FSTL5: variants seen among roughly 807,000 people sequenced by gnomAD.
FSTL5 encodes follistatin-related protein 5.
FSTL5 carries 62 observed loss-of-function variants against 89.1 expected under a neutral mutation model. The observed-to-expected ratio is 0.70, with a 90% CI of 0.57 to 0.86. The LOEUF is 0.86. Among genes scored for constraint, FSTL5 ranks in the 40% least tolerant of loss-of-function variants. FSTL5 has a pLI of 0.00. For synonymous variants in FSTL5, 383 were observed against 346.2 expected (o/e 1.11, Z -1.18); for missense variants, 1,057 against 1,001.6 (o/e 1.06, Z -0.75).
chr4:161,872,140 GGT>G (rs1560892243), intron 4 of FSTL5, among the ~76,000 whole-genome samples: 2 of 67,494 alleles, frequency 3.0e-5, no homozygotes, highest in Admixed American at 1.7e-4. Context: ...TTTTTTTTTT[GGT>G]TTTTTTTTTT....
At chr4:161,484,018 A>G (rs1729599876) in intron 12 of FSTL5, among the ~76,000 whole-genome samples, 1 of 152,130 alleles carries the variant, frequency 6.6e-6, no homozygotes, top group South Asian at 2.1e-4. Flanking sequence ...ATACTTTCCC[A>G]AAATGTTAAG....
At chr4:162,063,439 T>A (rs530443509) in intron 2 of FSTL5, among the ~76,000 whole-genome samples, 2 of 151,990 alleles carry the variant, frequency 1.3e-5, no homozygotes, top group East Asian at 3.9e-4. Flanking sequence ...ATTGATAGCT[T>A]GTATTGATCA....
At chr4:161,461,973 T>C (rs1264376977) in intron 13 of FSTL5, among the ~76,000 whole-genome samples, 1 of 152,154 alleles carries the variant, frequency 6.6e-6, no homozygotes, top group East Asian at 1.9e-4. Flanking sequence ...TGTAAGACTA[T>C]ATCAAAGGTC....
chr4:161,919,324 G>T (rs886383382), intron 4 of FSTL5, among the ~76,000 whole-genome samples: 1 of 152,150 alleles, frequency 6.6e-6, no homozygotes, highest in East Asian at 1.9e-4. Flanking sequence ...TACTTCAAAT[G>T]TGTTAAAGGA....
rs573929419 is a variant in FSTL5, at chr4:161,995,406, C to T, written c.160+38219G>A. Among the ~76,000 whole-genome samples, 4 of 152,232 alleles carry T rather than the reference C, an allele frequency of 2.6e-5. No individual in the cohort carries two copies. In the East Asian group the frequency reaches 7.7e-4, roughly 29 times the overall value. ...GAATCAGAATTCCAAACCAGACAGT[C>T]TGACGTAAGAGCTTGTGCTTGGCTT... On this transcript the variant is annotated intron_variant, in intron 3 of 15. Coordinates refer to ENST00000306100, the MANE Select transcript of FSTL5 (RefSeq NM_020116.5).
chr4:161,814,778 ATATACTC>A (rs1418196339), intron 4 of FSTL5, among the ~76,000 whole-genome samples: 4 of 152,090 alleles, frequency 2.6e-5, no homozygotes, highest in Non-Finnish European at 5.9e-5. Flanking sequence ...TGAGCCAAAT[ATATACTC>A]TATACTTTAT....
intron 3 of FSTL5, among the ~76,000 whole-genome samples, chr4:161,959,839 G>A (rs1448990539): frequency 2.6e-5 from 4 of 152,072 alleles, no homozygotes; most frequent in Non-Finnish European, 4.4e-5. Flanking sequence ...AATTTACTAA[G>A]TGGTGTCTTG....
intron 4 of FSTL5, among the ~76,000 whole-genome samples, chr4:161,853,835 G>A (rs912061710): frequency 3.3e-5 from 5 of 152,084 alleles, no homozygotes; most frequent in Admixed American, 2.6e-4. Flanking sequence ...AGACTGGGGG[G>A]ACATTAGCAT....
intron 8 of FSTL5, among the ~76,000 whole-genome samples, chr4:161,560,443 T>C (rs960083231): frequency 6.6e-6 from 1 of 151,956 alleles, no homozygotes; most frequent in Non-Finnish European, 1.5e-5. Context: ...TTCCTTAGCT[T>C]ACTGTAACTT....
At chr4:161,459,746 A>G (rs1041942081) in intron 13 of FSTL5, among the ~76,000 whole-genome samples, 3 of 151,934 alleles carry the variant, frequency 2.0e-5, no homozygotes, top group Admixed American at 6.6e-5. Flanking sequence ...TATTAGATTT[A>G]TTTTATCCCA....
At chr4:161,519,207 G>C (rs1730940587) in intron 10 of FSTL5, among the ~76,000 whole-genome samples, 1 of 152,166 alleles carries the variant, frequency 6.6e-6, no homozygotes, top group African/African-American at 2.4e-5. Context: ...TATTGCAAGA[G>C]ATGACGGTAA....
At chr4:162,128,157 G>C (rs1175303188) in intron 1 of FSTL5, among the ~76,000 whole-genome samples, 1 of 152,122 alleles carries the variant, frequency 6.6e-6, no homozygotes, top group African/African-American at 2.4e-5. Flanking sequence ...TCAGCATGAT[G>C]AACTAAACTC....
chr4:161,551,880 A>G (rs1256292778), intron 8 of FSTL5, among the ~76,000 whole-genome samples: 1 of 151,918 alleles, frequency 6.6e-6, no homozygotes, highest in African/African-American at 2.4e-5. Context: ...AACCATAAAA[A>G]CCCTAGAAGA....
intron 12 of FSTL5, among the ~76,000 whole-genome samples, chr4:161,486,757 CAG>C (rs1282436808): frequency 6.6e-6 from 1 of 152,126 alleles, no homozygotes; most frequent in African/African-American, 2.4e-5. Flanking sequence ...CTGTTTTCTT[CAG>C]AGTTTCTTTT....
At chr4:161,652,719 T>C (rs1235883104) in intron 7 of FSTL5, among the ~76,000 whole-genome samples, 2 of 152,114 alleles carry the variant, frequency 1.3e-5, no homozygotes, top group Non-Finnish European at 2.9e-5. Context: ...GTTATGTTTT[T>C]AAAATACATC....
At chr4:161,677,494 G>A (rs991673741) in intron 6 of FSTL5, among the ~76,000 whole-genome samples, 1 of 151,924 alleles carries the variant, frequency 6.6e-6, no homozygotes, top group African/African-American at 2.4e-5. Context: ...GCCTGTTTGT[G>A]TGTATCACAC....
intron 13 of FSTL5, among the ~76,000 whole-genome samples, chr4:161,476,291 G>A (rs1462307782): frequency 1.4e-5 from 2 of 146,554 alleles, no homozygotes; most frequent in East Asian, 2.1e-4. Context: ...GAGTTCAAGC[G>A]ATTCTCCTGC....
intron 4 of FSTL5, among the ~76,000 whole-genome samples, chr4:161,892,298 T>C (rs1293730975): frequency 6.6e-6 from 1 of 152,050 alleles, no homozygotes; most frequent in Non-Finnish European, 1.5e-5. Context: ...ATAATCTAAA[T>C]GCTCATTTTG....
intron 6 of FSTL5, among the ~76,000 whole-genome samples, chr4:161,724,588 A>G (rs901389477): frequency 6.6e-6 from 1 of 152,232 alleles, no homozygotes; most frequent in South Asian, 2.1e-4. Flanking sequence ...ATGATTTTAT[A>G]TCTTCACGTT....
Sources: allele counts gnomAD v4.1 joint callset (sites outside exome capture counted in the v4.1 genomes callset), GRCh38; gene constraint gnomAD v4.1.1; transcripts MANE v1.5; gene names NCBI Gene and HGNC (gene_info 2026-07-23, HGNC 2026-07-21).